The following ITGB3 variants were observed in gnomAD, a reference collection of about 807,000 sequenced individuals.
ITGB3 encodes the protein integrin subunit beta 3.
ITGB3 carries 48 observed loss-of-function variants against 85.8 expected under a neutral mutation model. The observed-to-expected ratio is 0.56, with a 90% confidence interval of 0.44 to 0.71. The LOEUF is 0.71. Ranked by LOEUF, ITGB3 falls within the 30% of genes least tolerant of loss-of-function variation. The pLI is 0.00. For missense variants in ITGB3, 861 were observed against 1,019.1 expected (o/e 0.84, Z 2.11); for synonymous variants, 363 against 395.6 (o/e 0.92, Z 0.98).
intron 2 of ITGB3, among the ~76,000 whole-genome samples, chr17:47,282,765 AAC>A (rs2065088387): frequency 6.6e-6 from 1 of 152,246 alleles, no homozygotes; most frequent in African/African-American, 2.4e-5. Flanking sequence ...TACAGAAAGA[AAC>A]ACACTGTACT....
At chr17:47,255,753 T>A (rs546502834) in intron 1 of ITGB3, among the ~76,000 whole-genome samples, 3 of 152,312 alleles carry the variant, frequency 2.0e-5, no homozygotes, top group South Asian at 2.1e-4. Context: ...ACAGTTGATA[T>A]GTAGAGGAAT....
chr17:47,260,582 C>G (rs2065005544), intron 1 of ITGB3, among the ~76,000 whole-genome samples: 2 of 152,198 alleles, frequency 1.3e-5, no homozygotes, highest in Non-Finnish European at 2.9e-5. Context: ...TCTGTGAGAT[C>G]CACTGATGGC....
In ITGB3 at chr17:47,310,293, G is replaced by A. The variant is rs1252473304; in HGVS notation, c.*89G>A. ...ATGTTTACAGAGGACAGTATTTGTG[G>A]GGAGGGATTTGGGGCTCAGAGTGGG... On this transcript the variant is annotated 3_prime_UTR_variant, in exon 15 of 15. Transcript: ENST00000559488. The A allele has an allele frequency of 6.3e-5, 84 of 1,336,624 alleles. 1 individual carries two copies. Among genetic ancestry groups the A allele is most frequent in the Non-Finnish European group, 6.1e-5 (57 of 932,378 alleles). The allele number at this position is 1,336,624 out of a possible 1,614,324, so 82.8% of individuals were successfully genotyped here.
At position 47,299,643 on chromosome 17, in the gene ITGB3, G is replaced by T; in HGVS notation, c.1913+113G>T. ...TTGCTCACCAGAGCCTTAGGGAGAG[G>T]AGTCCACTCCAGCCAGATGGCTGTC... On this transcript the variant is annotated intron_variant, in intron 11 of 14. Transcript: ENST00000559488. The surrounding 1 kb of genome is among the most constrained non-coding windows in gnomAD (Gnocchi z 5.1). 1 of 998,906 alleles carries T rather than the reference G, an allele frequency of 1.0e-6. No homozygotes were observed. Among genetic ancestry groups the T allele is most frequent in the Non-Finnish European group, 1.5e-6 (1 of 649,250 alleles). 61.9% of individuals were successfully genotyped at this position (998,906 alleles called of 1,614,324 possible).
chr17:47,283,296 G>T, intron 2 of ITGB3, 58 bp from the exon 3 acceptor site: 1 of 1,548,122 alleles, frequency 6.5e-7, no homozygotes, highest in South Asian at 1.1e-5. Flanking sequence ...GCCTGCAGGA[G>T]GTAGAGAGTC....
chr17:47,273,545 T>C (rs1940202691), intron 1 of ITGB3, among the ~76,000 whole-genome samples: 1 of 152,238 alleles, frequency 6.6e-6, no homozygotes, highest in Admixed American at 6.5e-5. Flanking sequence ...TTGTTTCTGC[T>C]CCTCCTCGTA....
intron 1 of ITGB3, among the ~76,000 whole-genome samples, chr17:47,268,740 G>C (rs2143052701): frequency 6.6e-6 from 1 of 152,330 alleles, no homozygotes. Flanking sequence ...CATGGTGCAG[G>C]CTGTCAATGG....
intron 4 of ITGB3, among the ~76,000 whole-genome samples, chr17:47,285,812 A>G (rs8064853): frequency 0.02 from 2,979 of 152,236 alleles, 86 homozygotes; most frequent in African/African-American, 0.069. Context: ...CTTTTGCTTT[A>G]TTGTTACTTT....
Position 47,310,205 on chromosome 17 carries a change from T to A in ITGB3, c.*1T>A. Reference sequence around the variant, plus strand: ...CAATATCACGTACCGGGGCACTTAATGATAAGCAGTCATCCTCAGATCATT... The same window carrying A: ...CAATATCACGTACCGGGGCACTTAAAGATAAGCAGTCATCCTCAGATCATT... On this transcript the variant is annotated 3_prime_UTR_variant, in exon 15 of 15. Coordinates refer to ENST00000559488, the MANE Select transcript of ITGB3 (RefSeq NM_000212.3). 6.2e-7 allele frequency: 1 copy of A among 1,613,218 alleles called. No homozygotes were observed. The highest frequency in any genetic ancestry group is 1.1e-5 in the South Asian group (1 of 91,050).
chr17:47,285,699 A>G (rs1243922079), intron 4 of ITGB3, among the ~76,000 whole-genome samples: 1 of 152,214 alleles, frequency 6.6e-6, no homozygotes, highest in East Asian at 1.9e-4. Flanking sequence ...GCAAGACATC[A>G]GCTATTAATT....
intron 9 of ITGB3, 151 bp downstream of exon 9, chr17:47,291,239 G>A (rs2065124478): frequency 2.4e-6 from 2 of 818,084 alleles, no homozygotes; most frequent in Non-Finnish European, 4.0e-6. Flanking sequence ...TTCTAAGTTA[G>A]ATGTAATGGA....
At chr17:47,279,424 T>C (rs140709544) in intron 2 of ITGB3, 1 of 152,388 alleles carries the variant, frequency 6.6e-6, no homozygotes, top group Non-Finnish European at 1.5e-5. Context: ...CTTGGTGCTC[T>C]TCTGGAACAG....
rs557832542 is a variant in ITGB3, at chr17:47,313,571, G to A, written c.*3367G>A. Among the ~76,000 whole-genome samples, 5 of 151,760 alleles carry A rather than the reference G, an allele frequency of 3.3e-5. 1 individual carries two copies. In the South Asian group the frequency reaches 8.3e-4, roughly 25 times the overall value. ...TCACGGTGTTAGCCAGGAAGGTCTC[G>A]ATCTCCTGACCTCGTGATCCTCCCG... On this transcript the variant is annotated 3_prime_UTR_variant, in exon 15 of 15. Transcript: ENST00000559488.
At chr17:47,261,901 C>G (rs931598131) in intron 1 of ITGB3, among the ~76,000 whole-genome samples, 2 of 152,190 alleles carry the variant, frequency 1.3e-5, no homozygotes, top group Non-Finnish European at 2.9e-5. Context: ...AGCTATAATT[C>G]TAGCCATAAG....
intron 2 of ITGB3, among the ~76,000 whole-genome samples, chr17:47,278,506 G>A (rs1347868713): frequency 1.3e-5 from 2 of 152,162 alleles, no homozygotes; most frequent in Non-Finnish European, 2.9e-5. Context: ...CTTGAATCCG[G>A]GAGGTGGAGG....
intron 8 of ITGB3, 134 bp downstream of exon 8, chr17:47,290,408 C>A: frequency 2.5e-6 from 2 of 796,798 alleles, no homozygotes; most frequent in Admixed American, 3.5e-5. Context: ...GCTCCCAGAG[C>A]CCAGGCAATG....
At chr17:47,279,283 G>C (rs1377202393) in intron 2 of ITGB3, among the ~76,000 whole-genome samples, 1 of 152,136 alleles carries the variant, frequency 6.6e-6, no homozygotes, top group Non-Finnish European at 1.5e-5. Context: ...GTTTCCCTGG[G>C]AACTGAAACT....
chr17:47,260,165 A>G (rs775434106), intron 1 of ITGB3, among the ~76,000 whole-genome samples: 3 of 152,186 alleles, frequency 2.0e-5, no homozygotes, highest in Non-Finnish European at 4.4e-5. Context: ...AGAACAACGT[A>G]TCTGGAATTA....
At chr17:47,295,388 T>C (rs1456318640) in intron 10 of ITGB3, among the ~76,000 whole-genome samples, 1 of 152,106 alleles carries the variant, frequency 6.6e-6, no homozygotes, top group East Asian at 1.9e-4. Context: ...TCCCTCCCTT[T>C]TCTGGCTCCC....
Sources: allele counts gnomAD v4.1 joint callset (sites outside exome capture counted in the v4.1 genomes callset), GRCh38; gene constraint gnomAD v4.1.1; non-coding constraint Gnocchi (gnomAD v3.1); transcripts MANE v1.5; gene names NCBI Gene and HGNC (gene_info 2026-07-23, HGNC 2026-07-21).